Variants in EVC2 observed in about 807,000 individuals in gnomAD.
EVC2 encodes the protein EvC ciliary complex subunit 2.
EVC2 carries 148 observed loss-of-function variants against 149.3 expected under a neutral mutation model. The observed-to-expected ratio is 0.99, with a 90% CI of 0.87 to 1.14. The LOEUF (loss-of-function observed/expected upper bound fraction) is 1.14. Among genes scored for constraint, EVC2 ranks in the 50% most tolerant of loss-of-function variants. The probability of loss-of-function intolerance (pLI) is 0.00; values close to 1 mark genes in which losing one functional copy is unlikely to be tolerated. For synonymous variants in EVC2, 776 were observed against 649.9 expected (o/e 1.19, Z -2.95); for missense variants, 1,854 against 1,627.3 (o/e 1.14, Z -2.40).
chr4:5,643,105 G>A (rs1361458851), intron 9 of EVC2, among the ~76,000 whole-genome samples: 1 of 152,158 alleles, frequency 6.6e-6, no homozygotes, highest in East Asian at 1.9e-4. Flanking sequence ...TGTTGCTAAA[G>A]GGTGGTAAAA....
chr4:5,599,966 GAC>G (rs1244571151), intron 16 of EVC2, among the ~76,000 whole-genome samples: 1 of 152,142 alleles, frequency 6.6e-6, no homozygotes, highest in Non-Finnish European at 1.5e-5. Context: ...TTAAATTTTA[GAC>G]ACAGACAAAT....
downstream of EVC2, among the ~76,000 whole-genome samples, chr4:5,558,081 T>C (rs182488986): frequency 6.6e-6 from 1 of 152,290 alleles, no homozygotes; most frequent in Admixed American, 6.5e-5. Flanking sequence ...GAAGTTTATA[T>C]GGAATGCCAA....
chr4:5,687,225 C>T (rs1324916102), intron 5 of EVC2, among the ~76,000 whole-genome samples: 1 of 151,904 alleles, frequency 6.6e-6, no homozygotes, highest in Admixed American at 6.6e-5. Context: ...CCACTGCACT[C>T]TAGGCTGGGC....
chr4:5,584,371 A>C (rs755380903), intron 17 of EVC2, among the ~76,000 whole-genome samples: 4 of 152,222 alleles, frequency 2.6e-5, no homozygotes, highest in Non-Finnish European at 4.4e-5. Context: ...ACTGCCAATG[A>C]ACCCATGGCA....
At chr4:5,669,784 T>C (rs1719513616) in intron 7 of EVC2, among the ~76,000 whole-genome samples, 1 of 152,080 alleles carries the variant, frequency 6.6e-6, no homozygotes, top group Admixed American at 6.5e-5. Flanking sequence ...AACTGAAGAG[T>C]AGAGGTACTG....
the EVC2 span, among the ~76,000 whole-genome samples, chr4:5,530,167 C>G: frequency 1.2e-4 from 18 of 152,126 alleles, no homozygotes; most frequent in Admixed American, 3.3e-4. Flanking sequence ...TCATTACATG[C>G]AATTCAATAA....
intron 6 of EVC2, 23 bp from the exon 7 acceptor site, chr4:5,681,336 A>T (rs1212886420): frequency 1.7e-5 from 28 of 1,613,840 alleles, no homozygotes; most frequent in African/African-American, 2.7e-5. Flanking sequence ...AAAAGAAAAC[A>T]CTTTCAGCAA....
chr4:5,637,486 A>G lies in EVC2; in HGVS notation c.1470+3028T>C, dbSNP rs1477241350. Among the ~76,000 whole-genome samples, 1 of 152,192 alleles carries G rather than the reference A, an allele frequency of 6.6e-6. No individual in the cohort carries two copies. Among genetic ancestry groups the G allele is most frequent in the Non-Finnish European group, 1.5e-5 (1 of 68,038 alleles). On this transcript the variant is annotated intron_variant, in intron 10 of 21. Transcript: ENST00000344408. The surrounding 1 kb of genome is among the most constrained non-coding windows in gnomAD (Gnocchi z 4.4). ...TGGGATGTGCTTGGAACAATGCCAGACACACCATGCATGCTAAGGAAGGAT... is the reference window on the plus strand; with the variant it reads ...TGGGATGTGCTTGGAACAATGCCAGGCACACCATGCATGCTAAGGAAGGAT...
intron 19 of EVC2, among the ~76,000 whole-genome samples, chr4:5,574,331 T>C (rs1179973597): frequency 6.6e-6 from 1 of 152,226 alleles, no homozygotes; most frequent in Non-Finnish European, 1.5e-5. Flanking sequence ...GTATCACTGA[T>C]TGATGGCTCT....
At position 5,596,521 on chromosome 4, in the gene EVC2, C is replaced by T. The variant is rs571564490; in HGVS notation, c.2830-11671G>A. On this transcript the variant is annotated intron_variant, in intron 16 of 21. Transcript: ENST00000344408. Reference sequence around the variant, plus strand: ...AAATAAAGATGTTCTTTGAAACCAACGAGAACAAAGACACAACATACCAGA... The same window carrying T: ...AAATAAAGATGTTCTTTGAAACCAATGAGAACAAAGACACAACATACCAGA... Among the ~76,000 whole-genome samples, 337 of 152,138 alleles carry T rather than the reference C, an allele frequency of 2.2e-3. 2 individuals are homozygous for T. The highest frequency in any genetic ancestry group is 7.5e-3 in the African/African-American group (311 of 41,524).
chr4:5,591,742 A>T (rs1401428255), intron 16 of EVC2, among the ~76,000 whole-genome samples: 22 of 152,074 alleles, frequency 1.4e-4, no homozygotes, highest in Admixed American at 1.4e-3. Context: ...GTCTCTAGAG[A>T]GGGTTTTAAT....
chr4:5,708,508 G>A lies in EVC2; in HGVS notation c.6C>T (p.Asp2=), dbSNP rs939013967. The A allele has an allele frequency of 2.7e-6, 4 of 1,469,642 alleles. No homozygotes were observed. Among genetic ancestry groups the A allele is most frequent in the Admixed American group, 2.4e-5 (1 of 41,246 alleles). 91.0% of individuals were successfully genotyped at this position (1,469,642 alleles called of 1,614,324 possible). Residue 2 remains aspartate (D), a synonymous_variant, in exon 1 of 22, where the codon GAC becomes GAT. Coordinates refer to ENST00000344408, the MANE Select transcript of EVC2 (RefSeq NM_147127.5). Reference sequence around the variant, plus strand: ...TGGGGCGCCCCCGGGAGCCCGAGGGGTCCATCGCCTGTCGGGACCCGCTAC... The same window carrying A: ...TGGGGCGCCCCCGGGAGCCCGAGGGATCCATCGCCTGTCGGGACCCGCTAC... M[D]PSGSRGRPTW...
rs567695376 is a variant in EVC2 at position 5,606,993 on chromosome 4, G to A, written c.2829+8429C>T. Reference sequence around the variant, plus strand: ...TCCCAGGATAGCATACAGAAGTCCGGAAAGGCTTATAAAAATTAGTTACAT... The same window carrying A: ...TCCCAGGATAGCATACAGAAGTCCGAAAAGGCTTATAAAAATTAGTTACAT... On this transcript the variant is annotated intron_variant, in intron 16 of 21. Coordinates refer to ENST00000344408, the MANE Select transcript of EVC2 (RefSeq NM_147127.5). Among the ~76,000 whole-genome samples, 5 of 152,290 alleles carry A rather than the reference G, an allele frequency of 3.3e-5. No individual in the cohort carries two copies. The South Asian group carries it at 1.0e-3, about 32-fold the overall frequency.
chr4:5,618,344 TGC>T lies in EVC2; in HGVS notation c.2706+132_2706+133del. On this transcript the variant is annotated intron_variant, in intron 15 of 21. Transcript: ENST00000344408. The surrounding 1 kb of genome is among the most constrained non-coding windows in gnomAD (Gnocchi z 4.4). The stretch of plus-strand genomic sequence containing the variant: ...GATTCCTGGAATAGCTGGACACCAA[TGC>T]AGCCAGAGAGGAGAGGATAGGGGAG... The T allele has an allele frequency of 2.0e-6, 2 of 989,510 alleles. No individual in the cohort carries two copies. The highest frequency in any genetic ancestry group is 2.8e-5 in the South Asian group (2 of 72,408). The allele number at this position is 989,510 out of a possible 1,614,324, so 61.3% of individuals were successfully genotyped here.
Position 5,640,458 on chromosome 4 carries a change from A to G in EVC2, c.1470+56T>C, listed in dbSNP as rs1362618121. On this transcript the variant is annotated intron_variant, in intron 10 of 21. Transcript: ENST00000344408. The surrounding 1 kb of genome is among the most constrained non-coding windows in gnomAD (Gnocchi z 4.6). The stretch of plus-strand genomic sequence containing the variant: ...GACAGATGAGTGGGTAGATGGATAA[A>G]TGACAAATCCCTGAGAGAAAGGGAA... The G allele has an allele frequency of 6.2e-7, 1 of 1,608,146 alleles. No individual in the cohort carries two copies. Among genetic ancestry groups the G allele is most frequent in the Admixed American group, 1.7e-5 (1 of 59,998 alleles).
intron 10 of EVC2, among the ~76,000 whole-genome samples, chr4:5,638,409 T>A (rs1577191736): frequency 6.9e-6 from 1 of 144,128 alleles, no homozygotes. Flanking sequence ...AAAAAAAAAA[T>A]TGTAACAGAT....
In EVC2 at chr4:5,686,028, G is replaced by A. The variant is rs1198795572; in HGVS notation, c.707-549C>T. On this transcript the variant is annotated intron_variant, in intron 5 of 21. Transcript: ENST00000344408. The surrounding 1 kb of genome is among the most constrained non-coding windows in gnomAD (Gnocchi z 5.4). ...TATGCCTCATTTCTCAATGTATGCA[G>A]ACCTCAAAAATATATATAGATACAT... Among the ~76,000 whole-genome samples, 2 of 151,118 alleles carry A rather than the reference G, an allele frequency of 1.3e-5. No homozygotes were observed. The highest frequency in any genetic ancestry group is 4.9e-5 in the African/African-American group (2 of 41,010).
At chr4:5,708,628 T>G, upstream of EVC2, 1 of 725,026 alleles carries the variant, frequency 1.4e-6, no homozygotes, top group South Asian at 2.9e-5. Context: ...CGCCGAAAGT[T>G]TTCTGGAACA....
the EVC2 span, among the ~76,000 whole-genome samples, chr4:5,534,046 T>A: frequency 3.3e-5 from 5 of 152,308 alleles, no homozygotes; most frequent in South Asian, 1.0e-3. Flanking sequence ...TTGGATTTTA[T>A]TCTTAAGAGC....
Sources: gnomAD v4.1 joint callset for allele counts (sites outside exome capture counted in the v4.1 genomes callset) on GRCh38, gnomAD v4.1.1 for gene constraint, Gnocchi (gnomAD v3.1) non-coding constraint, MANE v1.5 for transcripts, NCBI Gene and HGNC (gene_info 2026-07-23, HGNC 2026-07-21) for gene names.